Variants in PLAA observed in about 807,000 individuals in gnomAD.
PLAA encodes phospholipase A-2-activating protein.
PLAA carries 48 observed loss-of-function variants against 84.1 expected under a neutral mutation model. The observed-to-expected ratio is 0.57, with a 90% confidence interval of 0.45 to 0.73. PLAA has a LOEUF of 0.73. Among genes scored for constraint, PLAA ranks in the 30% least tolerant of loss-of-function variants. The probability of loss-of-function intolerance (pLI) is 0.00; values close to 1 mark genes in which losing one functional copy is unlikely to be tolerated. For missense variants in PLAA, 903 were observed against 954.7 expected (o/e 0.95, Z 0.71); for synonymous variants, 392 against 336.6 (o/e 1.16, Z -1.80).
chr9:26,927,323 A>G (rs1013602311), intron 4 of PLAA, among the ~76,000 whole-genome samples: 6 of 151,800 alleles, frequency 4.0e-5, no homozygotes, highest in African/African-American at 7.3e-5. Context: ...GGGTTTCACC[A>G]TGTTGGCCAG....
At chr9:26,946,360 C>T (rs952107234) in intron 1 of PLAA, among the ~76,000 whole-genome samples, 1 of 151,196 alleles carries the variant, frequency 6.6e-6, no homozygotes, top group East Asian at 1.9e-4. Flanking sequence ...TGCACAGAAA[C>T]AAAACATCCG....
At chr9:26,942,798 C>G (rs1280107256) in intron 1 of PLAA, among the ~76,000 whole-genome samples, 5 of 146,934 alleles carry the variant, frequency 3.4e-5, no homozygotes, top group Non-Finnish European at 7.4e-5. Context: ...AGAATGGCGT[C>G]AACCCGGGAG....
Position 26,907,438 on chromosome 9 carries a change from A to AGAAC in PLAA, c.1822+392_1822+395dup, listed in dbSNP as rs539789091. On this transcript the variant is annotated intron_variant, in intron 13 of 13. Transcript: ENST00000397292. ...CAGCTACTAAGGAGGCTGAGGCAGG[A>AGAAC]GAACGGCGTGAACCCGGGAGGCGGA... Among the ~76,000 whole-genome samples, 4 of 152,224 alleles carry AGAAC rather than the reference A, an allele frequency of 2.6e-5. No homozygotes were observed. The South Asian group carries it at 8.3e-4, about 32-fold the overall frequency.
At chr9:26,927,984 A>C (rs1480786722) in intron 4 of PLAA, 116 bp downstream of exon 4, 1 of 1,130,066 alleles carries the variant, frequency 8.8e-7, no homozygotes, top group Non-Finnish European at 1.3e-6. Context: ...ACTCAAATTA[A>C]TAGCTTAAAT....
intron 4 of PLAA, among the ~76,000 whole-genome samples, chr9:26,927,600 G>C (rs2131396125): frequency 6.6e-6 from 1 of 152,170 alleles, no homozygotes; most frequent in East Asian, 1.9e-4. Flanking sequence ...CATCAGTATT[G>C]GCATTATTTA....
chr9:26,933,740 G>C (rs910280761), intron 2 of PLAA, among the ~76,000 whole-genome samples: 44 of 134,400 alleles, frequency 3.3e-4, no homozygotes, highest in African/African-American at 1.2e-3. Flanking sequence ...AGTGAGCCGA[G>C]ATCACGCCAC....
At chr9:26,929,571 T>C (rs10967604) in intron 2 of PLAA, among the ~76,000 whole-genome samples, 61 of 152,294 alleles carry the variant, frequency 4.0e-4, no homozygotes, top group African/African-American at 1.4e-3. Context: ...TGGGAAACCT[T>C]TTTCCTAGAC....
chr9:26,915,074 T>C (rs1319734036), intron 10 of PLAA, among the ~76,000 whole-genome samples: 1 of 152,252 alleles, frequency 6.6e-6, no homozygotes, highest in Non-Finnish European at 1.5e-5. Flanking sequence ...TAGCTGGGCA[T>C]GGTGGCACAT....
chr9:26,925,689 G>A (rs550815521), intron 6 of PLAA, 136 bp downstream of exon 6: 2 of 674,036 alleles, frequency 3.0e-6, no homozygotes, highest in Admixed American at 2.7e-5. Context: ...ATCTACTACT[G>A]TTTTGTTTAG....
chr9:26,936,880 C>T (rs1048727080), intron 1 of PLAA, among the ~76,000 whole-genome samples: 65 of 152,250 alleles, frequency 4.3e-4, no homozygotes, highest in African/African-American at 1.3e-3. Flanking sequence ...GTGGCTCATG[C>T]GTGTAATCCT....
intron 2 of PLAA, among the ~76,000 whole-genome samples, chr9:26,933,813 A>AAAAT (rs1245021919): frequency 9.6e-5 from 14 of 146,152 alleles, no homozygotes; most frequent in Non-Finnish European, 1.8e-4. Flanking sequence ...AAAAAAAAAA[A>AAAAT]TTTTTTGTTT....
chr9:26,924,736 CTTCT>C (rs1488413027), intron 6 of PLAA, among the ~76,000 whole-genome samples: 1 of 152,188 alleles, frequency 6.6e-6, no homozygotes, highest in Non-Finnish European at 1.5e-5. Flanking sequence ...AACCTACTAA[CTTCT>C]TTTTCTCTAC....
chr9:26,909,661 C>T (rs944773550), intron 12 of PLAA, among the ~76,000 whole-genome samples: 1 of 150,922 alleles, frequency 6.6e-6, no homozygotes, highest in African/African-American at 2.4e-5. Context: ...TGCTCTGTTG[C>T]CCAGGCTGGA....
chr9:26,940,030 T>C (rs182472927), intron 1 of PLAA, among the ~76,000 whole-genome samples: 3 of 152,160 alleles, frequency 2.0e-5, no homozygotes, highest in Admixed American at 2.0e-4. Flanking sequence ...ATAAATCAAC[T>C]AGAACTAACA....
chr9:26,947,156 G>T lies in PLAA; in HGVS notation c.-111C>A, dbSNP rs1228893479. On this transcript the variant is annotated 5_prime_UTR_variant, in exon 1 of 14. Coordinates refer to ENST00000397292, the MANE Select transcript of PLAA (RefSeq NM_001031689.3). ...GGAGAAGAGCCTGCAGGTAAGGGGC[G>T]GCCGGAGACCGGAAGAGCCCGAGAG... The T allele has an allele frequency of 2.3e-6, 3 of 1,288,034 alleles. No homozygotes were observed. Among genetic ancestry groups the T allele is most frequent in the South Asian group, 3.3e-5 (2 of 60,600 alleles). The allele number at this position is 1,288,034 out of a possible 1,614,324, so 79.8% of individuals were successfully genotyped here. A position where few individuals can be genotyped will look rare whatever the true frequency, so the allele number is the denominator to read the frequency against.
chr9:26,921,356 T>C (rs1824752451), intron 7 of PLAA, among the ~76,000 whole-genome samples: 1 of 152,216 alleles, frequency 6.6e-6, no homozygotes, highest in Admixed American at 6.5e-5. Context: ...GACTACATTA[T>C]CTAGTCCCCT....
chr9:26,916,847 G>A (rs1824579748), intron 10 of PLAA: 1 of 410,022 alleles, frequency 2.4e-6, no homozygotes, highest in Non-Finnish European at 4.1e-6. Context: ...CTGCTCTCCT[G>A]GTGGGAAGGA....
chr9:26,942,750 C>T (rs967779892), intron 1 of PLAA, among the ~76,000 whole-genome samples: 2 of 151,844 alleles, frequency 1.3e-5, no homozygotes, highest in Admixed American at 6.6e-5. Context: ...GGCGCCGTGG[C>T]GGGCGCCTAA....
At chr9:26,917,837 G>C (rs1414575972) in intron 9 of PLAA, among the ~76,000 whole-genome samples, 1 of 152,082 alleles carries the variant, frequency 6.6e-6, no homozygotes, top group East Asian at 1.9e-4. Context: ...AAAACAGTAA[G>C]GATGCTGAAA....
Sources: gnomAD v4.1 joint callset for allele counts (sites outside exome capture counted in the v4.1 genomes callset) on GRCh38, gnomAD v4.1.1 for gene constraint, MANE v1.5 for transcripts, NCBI Gene and HGNC (gene_info 2026-07-23, HGNC 2026-07-21) for gene names.